ALG9: variants seen among roughly 807,000 people sequenced by gnomAD.
ALG9 encodes alpha-1,2-mannosyltransferase ALG9.
A neutral mutation model predicts 81.8 loss-of-function variants in ALG9; 55 were observed. The ratio of observed to expected loss-of-function variants is 0.67; its 90% CI spans 0.54 to 0.84. ALG9 has a LOEUF of 0.84. Among genes scored for constraint, ALG9 ranks in the 40% least tolerant of loss-of-function variants. ALG9 has a pLI of 0.00. For missense variants in ALG9, 629 were observed against 745.0 expected (o/e 0.84, Z 1.81); for synonymous variants, 278 against 274.3 (o/e 1.01, Z -0.13).
At chr11:111,837,700 G>GTT (rs1788141836) in intron 11 of ALG9, 85 bp from the exon 12 acceptor site, 2 of 1,461,960 alleles carry the variant, frequency 1.4e-6, no homozygotes, top group Admixed American at 3.7e-5. Context: ...ATGTCGCACT[G>GTT]TAAGCCACAG....
chr11:111,803,226 G>T (rs1259526983), intron 14 of ALG9, among the ~76,000 whole-genome samples: 2 of 152,160 alleles, frequency 1.3e-5, no homozygotes, highest in Admixed American at 6.5e-5. Context: ...GGTGTGCCAG[G>T]TGCAGTAGCT....
intron 5 of ALG9, among the ~76,000 whole-genome samples, chr11:111,860,338 C>T (rs1009003516): frequency 1.3e-5 from 2 of 152,186 alleles, no homozygotes; most frequent in African/African-American, 4.8e-5. Flanking sequence ...TTCTTACTTA[C>T]ATGGTAGGAT....
At chr11:111,815,315 G>A (rs1238691228) in intron 13 of ALG9, among the ~76,000 whole-genome samples, 1 of 152,084 alleles carries the variant, frequency 6.6e-6, no homozygotes, top group Admixed American at 6.5e-5. Context: ...TGAGGCGGGA[G>A]GATCGCTTGA....
intron 1 of ALG9, chr11:111,870,826 C>T: frequency 9.9e-7 from 1 of 1,006,488 alleles, no homozygotes; most frequent in Non-Finnish European, 1.2e-6. Flanking sequence ...TTAACAAGGT[C>T]ATTGCTTTTG....
downstream of ALG9, among the ~76,000 whole-genome samples, chr11:111,781,044 GTAACAGTAACAA>G (rs1555056728): frequency 2.0e-5 from 3 of 152,172 alleles, no homozygotes; most frequent in African/African-American, 7.2e-5. Context: ...AGCCCTAAAA[GTAACAGTAACAA>G]ATAGGGAGAA....
chr11:111,864,198 G>A (rs1457862587), intron 4 of ALG9: 3 of 635,896 alleles, frequency 4.7e-6, no homozygotes, highest in Non-Finnish European at 8.7e-6. Flanking sequence ...TTTCAGTCAG[G>A]CCCCGCTGAC....
intron 5 of ALG9, chr11:111,857,992 G>A: frequency 2.4e-6 from 1 of 409,844 alleles, no homozygotes; most frequent in Non-Finnish European, 4.6e-6. Context: ...AGGCTGGAGT[G>A]CAGTGGTGGG....
At chr11:111,791,729 C>T (rs1947443286) in intron 14 of ALG9, among the ~76,000 whole-genome samples, 1 of 152,210 alleles carries the variant, frequency 6.6e-6, no homozygotes, top group Non-Finnish European at 1.5e-5. Flanking sequence ...TTGCCTCAGC[C>T]AGGAACACTC....
chr11:111,852,397 A>G (rs1555139366), intron 8 of ALG9, among the ~76,000 whole-genome samples: 1 of 152,186 alleles, frequency 6.6e-6, no homozygotes, highest in Non-Finnish European at 1.5e-5. Context: ...TGGCTGGTGG[A>G]GTGAAAGGCA....
downstream of ALG9, among the ~76,000 whole-genome samples, chr11:111,779,661 C>G (rs192176110): frequency 8.5e-5 from 13 of 152,098 alleles, no homozygotes; most frequent in Non-Finnish European, 1.8e-4. Flanking sequence ...AACTTACATA[C>G]TTTCATCTCT....
At chr11:111,868,798 G>A in intron 2 of ALG9, 62 bp from the exon 3 acceptor site, 1 of 1,464,020 alleles carries the variant, frequency 6.8e-7, no homozygotes, top group East Asian at 2.4e-5. Context: ...TTAAGCAGAT[G>A]CAAGTGAAGT....
At chr11:111,851,347 C>T (rs782118591) in intron 8 of ALG9, among the ~76,000 whole-genome samples, 6 of 152,058 alleles carry the variant, frequency 3.9e-5, no homozygotes, top group South Asian at 2.1e-4. Context: ...GGTGTGGTGG[C>T]GGGCGCCTAT....
At chr11:111,773,497 C>T in the ALG9 span, among the ~76,000 whole-genome samples, 5 of 151,884 alleles carry the variant, frequency 3.3e-5, no homozygotes, top group Non-Finnish European at 5.9e-5. Context: ...CGCCTGCCTT[C>T]GCCTCCCAAA....
chr11:111,846,140 A>C (rs782727754), intron 8 of ALG9, among the ~76,000 whole-genome samples: 5 of 152,214 alleles, frequency 3.3e-5, no homozygotes, highest in Non-Finnish European at 5.9e-5. Context: ...AGAATTTAAC[A>C]ACATTATTTT....
chr11:111,857,476 T>A, intron 6 of ALG9, 126 bp downstream of exon 6: 1 of 1,248,672 alleles, frequency 8.0e-7, no homozygotes, highest in Middle Eastern at 1.9e-4. Context: ...ATTCTTCCAT[T>A]TCCCAGAATC....
intron 14 of ALG9, among the ~76,000 whole-genome samples, chr11:111,807,122 T>C (rs1555085949): frequency 1.3e-5 from 2 of 152,222 alleles, no homozygotes; most frequent in African/African-American, 2.4e-5. Flanking sequence ...TACCATTTAT[T>C]CTCAGCACAG....
chr11:111,830,576 C>A (rs1420622990), intron 13 of ALG9, among the ~76,000 whole-genome samples: 3 of 152,098 alleles, frequency 2.0e-5, no homozygotes, highest in African/African-American at 7.2e-5. Context: ...CAATTAAATT[C>A]TTAGTAGACT....
At chr11:111,813,687 C>T (rs1158228148) in intron 13 of ALG9, among the ~76,000 whole-genome samples, 1 of 152,084 alleles carries the variant, frequency 6.6e-6, no homozygotes, top group African/African-American at 2.4e-5. Context: ...AAAAGAAAAA[C>T]GGGCAAGTGA....
intron 14 of ALG9, among the ~76,000 whole-genome samples, chr11:111,808,921 T>C (rs1555088138): frequency 6.6e-6 from 1 of 152,188 alleles, no homozygotes; most frequent in African/African-American, 2.4e-5. Context: ...CCCTGGTCCA[T>C]TTGGTCTCTC....
Sources: gnomAD v4.1 joint callset for allele counts (sites outside exome capture counted in the v4.1 genomes callset) on GRCh38, gnomAD v4.1.1 for gene constraint, MANE v1.5 for transcripts, NCBI Gene and HGNC (gene_info 2026-07-23, HGNC 2026-07-21) for gene names.